Variants in PRRC2B observed in about 807,000 individuals in gnomAD.
The protein encoded by PRRC2B is protein PRRC2B.
A neutral mutation model predicts 242.3 loss-of-function variants in PRRC2B; 68 were observed. That is an observed-to-expected ratio of 0.28 (90% CI 0.23 to 0.34). The LOEUF (loss-of-function observed/expected upper bound fraction) is 0.34, where lower values mean the gene tolerates loss of function less well. Among genes scored for constraint, PRRC2B ranks in the 10% least tolerant of loss-of-function variants. The pLI, the probability that PRRC2B is intolerant of heterozygous loss-of-function variation, is 1.00. For synonymous variants in PRRC2B, 1,228 were observed against 1,173.6 expected, an observed-to-expected ratio of 1.05 and a Z score of -0.95; for missense variants, 2,835 against 2,954.8, an observed-to-expected ratio of 0.96 and a Z score of 0.94.
intron 1 of PRRC2B, among the ~76,000 whole-genome samples, chr9:131,408,585 A>G (rs1313695830): frequency 6.6e-6 from 1 of 152,254 alleles, no homozygotes; most frequent in Non-Finnish European, 1.5e-5. Flanking sequence ...AGGTTGAATA[A>G]TACAGTAGCT....
chr9:131,426,337 CAAAAAAAAAAAAAAAAAAA>C (rs5900939), intron 1 of PRRC2B, among the ~76,000 whole-genome samples: 1 of 84,486 alleles, frequency 1.2e-5, no homozygotes, highest in South Asian at 4.2e-4. Context: ...AACTCTGTCT[CAAAAAAAAAAAAAAAAAAA>C]AAAAGAAAAA....
At position 131,484,726 on chromosome 9, in the gene PRRC2B, A is replaced by G. The variant is rs1465550420; in HGVS notation, c.5501A>G (p.His1834Arg). ...TQSIPILRRD[H>R]HIQRAIGLSP... ...AGTATCCCCATCCTGCGGCGGGACCATCACATCCAGAGGGCCATCGGTCTC... is the reference window on the plus strand; with the variant it reads ...AGTATCCCCATCCTGCGGCGGGACCGTCACATCCAGAGGGCCATCGGTCTC... The change falls in exon 24 of 32, where the codon CAT becomes CGT. Residue 1834 changes from histidine (H) to arginine (R), a missense_variant. Transcript: ENST00000683519. 6.2e-7 allele frequency: 1 copy of G among 1,612,720 alleles called. No homozygotes were observed. The highest frequency in any genetic ancestry group is 1.7e-5 in the Admixed American group (1 of 59,830).
chr9:131,396,325 C>CTT (rs1165485887), intron 1 of PRRC2B, among the ~76,000 whole-genome samples: 5,273 of 132,924 alleles, frequency 0.04, 186 homozygotes, highest in Admixed American at 0.064. Flanking sequence ...CTTTTCTTTT[C>CTT]TTTTTTTTTT....
At position 131,487,740 on chromosome 9, in the gene PRRC2B, G is replaced by T. The variant is rs376359373; in HGVS notation, c.5985-116G>T. 5.8e-6 allele frequency: 8 copies of T among 1,381,166 alleles called. No individual in the cohort carries two copies. Among genetic ancestry groups the T allele is most frequent in the African/African-American group, 4.3e-5 (3 of 69,398 alleles). The allele number at this position is 1,381,166 out of a possible 1,614,324, so 85.6% of individuals were successfully genotyped here. On this transcript the variant is annotated intron_variant, in intron 27 of 31. Coordinates refer to ENST00000683519, the MANE Select transcript of PRRC2B (RefSeq NM_013318.4). The surrounding 1 kb of genome is among the most constrained non-coding windows in gnomAD (Gnocchi z 5.3). ...CCTGGACCCTCTGAGTCGCGCTCTG[G>T]GGGTGGGGCCGGGGATCTGTGGTTT...
intron 1 of PRRC2B, among the ~76,000 whole-genome samples, chr9:131,429,367 T>C (rs1838063683): frequency 6.6e-6 from 1 of 152,184 alleles, no homozygotes. Context: ...GGAGGGAAGC[T>C]TCTTTCTTGG....
intron 1 of PRRC2B, among the ~76,000 whole-genome samples, chr9:131,413,917 G>A (rs1449681708): frequency 2.6e-5 from 4 of 152,094 alleles, no homozygotes; most frequent in African/African-American, 7.2e-5. Flanking sequence ...TGATCCACCC[G>A]CCTCGGCCTC....
intron 9 of PRRC2B, among the ~76,000 whole-genome samples, chr9:131,449,506 C>A (rs1445044502): frequency 6.6e-6 from 1 of 151,966 alleles, no homozygotes; most frequent in Non-Finnish European, 1.5e-5. Context: ...TCTCATTGTG[C>A]TTTTAATTTG....
rs566009557 is a variant in PRRC2B, at chr9:131,410,809, C to T, written c.-52+16546C>T. Among the ~76,000 whole-genome samples, 21 of 152,280 alleles carry T rather than the reference C, an allele frequency of 1.4e-4. No homozygotes were observed. The South Asian group carries it at 4.4e-3, about 32-fold the overall frequency. On this transcript the variant is annotated intron_variant, in intron 1 of 31. Transcript: ENST00000683519. ...TTTATGCAGATGTATTTATTACACT[C>T]CCTAGCTCTCTTTAGGCTTTTTCTT...
chr9:131,475,437 G>C lies in PRRC2B; in HGVS notation c.3308G>C (p.Ser1103Thr), dbSNP rs1468741390. The change falls in exon 16 of 32, where the codon AGT (serine) becomes ACT (threonine). Residue 1103 changes from serine to threonine, a missense_variant. Coordinates refer to ENST00000683519, the MANE Select transcript of PRRC2B (RefSeq NM_013318.4). ...GGGGCCCGCAGCATCTACTGCAGCA[G>C]TCAGCGCAGCGGCCGTGGCCGGGGC... The part of the protein sequence containing the change: ...VLGARSIYCS[S>T]QRSGRGRGLR... 6.3e-7 allele frequency: 1 copy of C among 1,581,204 alleles called. No individual in the cohort carries two copies. The highest frequency in any genetic ancestry group is 2.2e-5 in the East Asian group (1 of 44,542).
chr9:131,430,060 C>CTT (rs112930686), intron 1 of PRRC2B, 34 bp from the exon 2 acceptor site: 253 of 475,030 alleles, frequency 5.3e-4, no homozygotes, highest in South Asian at 8.5e-4. Flanking sequence ...TTTTCTCTCT[C>CTT]TTTTTTTTTT....
chr9:131,467,070 G>A (rs542271806), intron 12 of PRRC2B, among the ~76,000 whole-genome samples: 7 of 151,828 alleles, frequency 4.6e-5, no homozygotes, highest in Non-Finnish European at 1.0e-4. Flanking sequence ...CAAAGTGCTG[G>A]GATTACAGGT....
intron 9 of PRRC2B, 143 bp downstream of exon 9, chr9:131,447,947 G>A (rs1039554705): frequency 1.2e-5 from 9 of 753,346 alleles, no homozygotes; most frequent in Middle Eastern, 4.3e-4. Flanking sequence ...CAGACCTGAT[G>A]CCCTCCTTCC....
intron 4 of PRRC2B, among the ~76,000 whole-genome samples, chr9:131,437,844 G>C (rs774387403): frequency 2.6e-5 from 4 of 152,222 alleles, no homozygotes; most frequent in Non-Finnish European, 4.4e-5. Flanking sequence ...GAAAGAAAAG[G>C]AGTGAGGTGA....
At chr9:131,391,688 G>A (rs145155061), upstream of PRRC2B, among the ~76,000 whole-genome samples, 1 of 152,314 alleles carries the variant, frequency 6.6e-6, no homozygotes, top group African/African-American at 2.4e-5. Flanking sequence ...GTTTAGCACA[G>A]TGGCTGTCAC....
intron 19 of PRRC2B, 74 bp from the exon 20 acceptor site, chr9:131,481,652 G>C: frequency 8.2e-7 from 1 of 1,217,040 alleles, no homozygotes; most frequent in Non-Finnish European, 1.2e-6. Context: ...GCCTGTGCTT[G>C]TTCTTTAAGA....
rs138213863 is a variant in PRRC2B at position 131,478,338 on chromosome 9, G to A, written c.4613-136G>A. ...GGTAACAATGTGTTAGATCAGAGGC[G>A]GCCTGAGAAAAGTGCGGAAGTCCTG... On this transcript the variant is annotated intron_variant, in intron 17 of 31. Coordinates refer to ENST00000683519, the MANE Select transcript of PRRC2B (RefSeq NM_013318.4). 3,925 of 828,168 alleles carry A rather than the reference G, an allele frequency of 4.7e-3. 21 individuals are homozygous for A. The highest frequency in any genetic ancestry group is 6.4e-3 in the Non-Finnish European group (3,198 of 503,160). The allele number at this position is 828,168 out of a possible 1,614,324, so 51.3% of individuals were successfully genotyped here. A position where few individuals can be genotyped will look rare whatever the true frequency, so the allele number is the denominator to read the frequency against.
intron 1 of PRRC2B, among the ~76,000 whole-genome samples, chr9:131,410,140 C>T (rs547978107): frequency 7.2e-5 from 11 of 152,280 alleles, no homozygotes; most frequent in East Asian, 1.9e-4. Context: ...CTAAATTAAC[C>T]GCATCTTCAA....
In PRRC2B at chr9:131,446,538, A is replaced by C. The variant is rs1838806869; in HGVS notation, c.751A>C (p.Lys251Gln). ...APSSACTSDS[K>Q]DPSLRPAQPV... ...CTCCTCGGCATGTACCAGCGATTCT[A>C]AGGACCCCTCTCTCCGCCCGGCTCA... Residue 251 changes from lysine to glutamine, a missense_variant, in exon 7 of 32, where the codon AAG (lysine) becomes CAG (glutamine). This residue lies in a region of PRRC2B where 626 missense variants were observed against 685.5 expected (regional missense o/e 0.91). Coordinates refer to ENST00000683519, the MANE Select transcript of PRRC2B (RefSeq NM_013318.4). This position sits in a 1 kb window ranked among gnomAD's most constrained non-coding sequence, Gnocchi z 4.1. 1 of 1,613,812 alleles carries C rather than the reference A, an allele frequency of 6.2e-7. No homozygotes were observed. The highest frequency in any genetic ancestry group is 8.5e-7 in the Non-Finnish European group (1 of 1,179,862).
chr9:131,491,705 G>A (rs926175771), intron 29 of PRRC2B, 125 bp downstream of exon 29: 22 of 935,166 alleles, frequency 2.4e-5, no homozygotes, highest in Middle Eastern at 3.3e-4. Flanking sequence ...GGGCAGAAAG[G>A]AAGGTGACCA....
Sources: gnomAD v4.1 joint callset for allele counts (sites outside exome capture counted in the v4.1 genomes callset) on GRCh38, gnomAD v4.1.1 for gene constraint, gnomAD v4.1.1 regional missense constraint, Gnocchi (gnomAD v3.1) non-coding constraint, MANE v1.5 for transcripts, NCBI Gene and HGNC (gene_info 2026-07-23, HGNC 2026-07-21) for gene names.